Variants in PALB2 observed in about 807,000 individuals in gnomAD.
PALB2 encodes the protein mutant partner and localizer of BRCA2.
A neutral mutation model predicts 107.4 loss-of-function variants in PALB2; 82 were observed. The observed-to-expected ratio is 0.76, with a 90% CI of 0.64 to 0.92. PALB2 has a LOEUF of 0.92. Among genes scored for constraint, PALB2 ranks in the 40% least tolerant of loss-of-function variants. The pLI is 0.00. For missense variants in PALB2, 1,374 were observed against 1,379.9 expected (o/e 1.00, Z 0.07); for synonymous variants, 489 against 496.8 (o/e 0.98, Z 0.21).
chr16:23,621,547 A>G (rs1436616487), intron 9 of PALB2, 69 bp from the exon 10 acceptor site: 2 of 929,606 alleles, frequency 2.2e-6, no homozygotes, highest in Non-Finnish European at 1.8e-6. Flanking sequence ...CCTTCTCCGC[A>G]TTGTTGAACT....
At position 23,635,389 on chromosome 16, in the gene PALB2, G is replaced by A. The variant is rs876660840; in HGVS notation, c.1157C>T (p.Thr386Ile). ...ATGTTTTTCTGCAGAAAGAGGAGAG[G>A]TTGCTTCCAGGCTAAGACTCTTAGG... ...SQPKSLSLEA[T>I]SPLSAEKHSC... is the part of the protein sequence containing the mutation. The change falls in exon 4 of 13, where the codon ACC (threonine) becomes ATC (isoleucine). Residue 386 changes from threonine (T) to isoleucine (I), a missense_variant. Transcript: ENST00000261584. 6.2e-7 allele frequency: 1 copy of A among 1,614,004 alleles called. No homozygotes were observed. Among genetic ancestry groups the A allele is most frequent in the Non-Finnish European group, 8.5e-7 (1 of 1,180,020 alleles).
In PALB2 at chr16:23,614,142, T is replaced by A. The variant is rs249936; in HGVS notation, c.3114-51A>T. ...GATCACATTCTTCCAACAAACCAGT[T>A]TTCAGAAAATATTTTCTTATTCATC... On this transcript the variant is annotated intron_variant, in intron 10 of 12. Coordinates refer to ENST00000261584, the MANE Select transcript of PALB2 (RefSeq NM_024675.4). The A allele has an allele frequency of 8.2e-4, 1,082 of 1,322,886 alleles. 15 individuals are homozygous for A. In the South Asian group the frequency reaches 0.012, roughly 15 times the overall value. 81.9% of individuals were successfully genotyped at this position (1,322,886 alleles called of 1,614,324 possible).
rs1555461870 is a variant in PALB2, at chr16:23,636,316, CAT to C, written c.228_229del (p.Ile76MetfsTer4). On this transcript the variant is annotated frameshift_variant, in exon 4 of 13. Coordinates refer to ENST00000261584, the MANE Select transcript of PALB2 (RefSeq NM_024675.4). LOFTEE classifies it high-confidence loss of function. The stretch of plus-strand genomic sequence containing the variant: ...TTTGATGTGTAACTTGTCATAAACA[CAT>C]ATTTTATTTTTAGGTTCTGAGGAGG... 4 of 1,608,940 alleles carry C rather than the reference CAT, an allele frequency of 2.5e-6. No individual in the cohort carries two copies. Among genetic ancestry groups the C allele is most frequent in the Non-Finnish European group, 3.4e-6 (4 of 1,177,542 alleles).
intron 11 of PALB2, among the ~76,000 whole-genome samples, chr16:23,612,178 A>T (rs1966598828): frequency 1.3e-5 from 2 of 152,144 alleles, no homozygotes; most frequent in Admixed American, 6.5e-5. Flanking sequence ...CTCCTAGACA[A>T]CTACTTTCCC....
rs774029323 is a variant in PALB2 at position 23,613,984 on chromosome 16, C to A, written c.3201+20G>T. The A allele has an allele frequency of 1.3e-6, 2 of 1,583,812 alleles. No individual in the cohort carries two copies. The highest frequency in any genetic ancestry group is 2.7e-5 in the African/African-American group (2 of 74,252). ...GACCAACAGTAACACACAAAGTGGT[C>A]CCAGCCAGTCATTACTTACCATTTC... is the stretch of plus-strand genomic sequence containing the variant. On this transcript the variant is annotated intron_variant, in intron 11 of 12. Transcript: ENST00000261584.
intron 6 of PALB2, among the ~76,000 whole-genome samples, chr16:23,627,658 T>C (rs1966848471): frequency 6.6e-6 from 1 of 151,884 alleles, no homozygotes; most frequent in African/African-American, 2.4e-5. Context: ...CTGTTTATTA[T>C]AAAAACAGAA....
chr16:23,639,909 TCTCA>T (rs1050285955), intron 1 of PALB2, among the ~76,000 whole-genome samples: 25 of 152,000 alleles, frequency 1.6e-4, no homozygotes, highest in African/African-American at 6.0e-4. Flanking sequence ...TGAGAGACAG[TCTCA>T]CTCTGTCGTC....
At chr16:23,615,505 AT>A (rs1176834398) in intron 10 of PALB2, among the ~76,000 whole-genome samples, 2 of 151,238 alleles carry the variant, frequency 1.3e-5, no homozygotes, top group Non-Finnish European at 2.9e-5. Context: ...GGGTTTCACT[AT>A]ATTGCCCAGG....
At position 23,638,030 on chromosome 16, in the gene PALB2, T is replaced by C. The variant is rs368859605; in HGVS notation, c.108+40A>G. ...AGTCAAGAACTGTTTTTAAATTGTT[T>C]GTACTATAACACCTTAATTTGAGAA... On this transcript the variant is annotated intron_variant, in intron 2 of 12. Transcript: ENST00000261584. 7.3e-5 allele frequency: 117 copies of C among 1,605,784 alleles called. No homozygotes were observed. In the African/African-American group the frequency reaches 1.4e-3, roughly 19 times the overall value.
rs1966970348 is a variant in PALB2, at chr16:23,635,129, G to A, written c.1417C>T (p.Pro473Ser). 1.2e-6 allele frequency: 2 copies of A among 1,614,068 alleles called. No individual in the cohort carries two copies. The highest frequency in any genetic ancestry group is 1.7e-6 in the Non-Finnish European group (2 of 1,180,046). Residue 473 changes from proline to serine, a missense_variant, in exon 4 of 13, where the codon CCA becomes TCA. Coordinates refer to ENST00000261584, the MANE Select transcript of PALB2 (RefSeq NM_024675.4). ...IRMSGTCTGQ[P>S]SSRTSQKLLS... The stretch of plus-strand genomic sequence containing the variant: ...AGTTTCTGAGAGGTTCTTGAACTTG[G>A]TTGTCCTGTGCATGTGCCAGACATC...
chr16:23,628,084 C>T (rs944698400), intron 6 of PALB2, among the ~76,000 whole-genome samples: 4 of 152,098 alleles, frequency 2.6e-5, no homozygotes, highest in African/African-American at 7.2e-5. Flanking sequence ...ATTAGCAAGG[C>T]GTGGTGGCGC....
chr16:23,636,428 A>T, intron 3 of PALB2, 94 bp from the exon 4 acceptor site: 1 of 812,692 alleles, frequency 1.2e-6, no homozygotes. Flanking sequence ...AATACTACTA[A>T]ACATTTATTT....
chr16:23,635,092 G>C lies in PALB2; in HGVS notation c.1454C>G (p.Thr485Ser). The C allele has an allele frequency of 6.2e-7, 1 of 1,614,178 alleles. No homozygotes were observed. The highest frequency in any genetic ancestry group is 8.5e-7 in the Non-Finnish European group (1 of 1,180,030). ...GGGCCCAGCGGGAGAGCTGACTTTA[G>C]TTAATGAGAGAAGTTTCTGAGAGGT... ...SRTSQKLLSLTKVSSPAGPTE... is the reference protein window; with the variant it reads ...SRTSQKLLSLSKVSSPAGPTE... The change falls in exon 4 of 13, where the codon ACT (threonine) becomes AGT (serine). Residue 485 changes from threonine (T) to serine (S), a missense_variant. Physicochemically the swap from Thr to Ser is moderately conservative, Grantham distance 58 (BLOSUM62 1). Coordinates refer to ENST00000261584, the MANE Select transcript of PALB2 (RefSeq NM_024675.4).
At position 23,603,401 on chromosome 16, in the gene PALB2, CA is replaced by C; in HGVS notation, c.*57del. 7.0e-7 allele frequency: 1 copy of C among 1,436,298 alleles called. No individual in the cohort carries two copies. Among genetic ancestry groups the C allele is most frequent in the Non-Finnish European group, 9.8e-7 (1 of 1,020,160 alleles). 89.0% of individuals were successfully genotyped at this position (1,436,298 alleles called of 1,614,324 possible). A position where few individuals can be genotyped will look rare whatever the true frequency, so the allele number is the denominator to read the frequency against. Reference sequence around the variant, plus strand: ...ATATTCTCCTTTATATTTAAAACTCCAAAAAATACTAAGAGGCCCAATATAT... The same window carrying C: ...ATATTCTCCTTTATATTTAAAACTCCAAAAATACTAAGAGGCCCAATATAT... On this transcript the variant is annotated 3_prime_UTR_variant, in exon 13 of 13. Coordinates refer to ENST00000261584, the MANE Select transcript of PALB2 (RefSeq NM_024675.4).
intron 1 of PALB2, chr16:23,640,515 A>C: frequency 4.4e-6 from 1 of 225,154 alleles, no homozygotes. Flanking sequence ...AAAAAGAAGA[A>C]AAACAGAAAA....
intron 7 of PALB2, among the ~76,000 whole-genome samples, chr16:23,625,214 T>C (rs2142348636): frequency 6.6e-6 from 1 of 152,142 alleles, no homozygotes; most frequent in East Asian, 1.9e-4. Context: ...GCGCCTGTAG[T>C]CCCAGCTACT....
rs756906403 is a variant in PALB2, at chr16:23,621,369, C to G, written c.3106G>C (p.Val1036Leu). ...CCTAGAGGGAAAGCTTACCAAATAACAATGTTGTTCATAATAGTAGTACCA... is the reference window on the plus strand; with the variant it reads ...CCTAGAGGGAAAGCTTACCAAATAAGAATGTTGTTCATAATAGTAGTACCA... ...LLGTTIMNNI[V>L]IWNLKTGQLL... The change falls in exon 10 of 13, where the codon GTT becomes CTT. Residue 1036 changes from valine (V) to leucine (L), a missense_variant. Physicochemically the swap from Val to Leu is conservative, Grantham distance 32. Coordinates refer to ENST00000261584, the MANE Select transcript of PALB2 (RefSeq NM_024675.4). The G allele has an allele frequency of 2.6e-5, 41 of 1,607,818 alleles. No homozygotes were observed. Among genetic ancestry groups the G allele is most frequent in the Non-Finnish European group, 3.5e-5 (41 of 1,174,464 alleles).
chr16:23,609,493 A>G (rs577894066), intron 11 of PALB2, among the ~76,000 whole-genome samples: 23 of 152,306 alleles, frequency 1.5e-4, no homozygotes, highest in African/African-American at 4.1e-4. Context: ...CTGACAAACT[A>G]TGGCCCACCA....
chr16:23,604,477 CTAT>C (rs1377455040), intron 12 of PALB2, among the ~76,000 whole-genome samples: 4 of 152,206 alleles, frequency 2.6e-5, no homozygotes, highest in Admixed American at 2.6e-4. Context: ...TAAAAATTAG[CTAT>C]TATTAGCCGG....
Sources: gnomAD v4.1 joint callset for allele counts (sites outside exome capture counted in the v4.1 genomes callset) on GRCh38, gnomAD v4.1.1 for gene constraint, MANE v1.5 for transcripts, NCBI Gene and HGNC (gene_info 2026-07-23, HGNC 2026-07-21) for gene names.